KLK10: variants seen among roughly 807,000 people sequenced by gnomAD.
KLK10 encodes kallikrein related peptidase 10, also known as kallikrein-10.
In KLK10, 27 loss-of-function variants were observed where a neutral mutation model predicts 25.7. That is an observed-to-expected ratio of 1.05 (90% confidence interval 0.77 to 1.45). The LOEUF (loss-of-function observed/expected upper bound fraction) is 1.45. Among genes scored for constraint, KLK10 ranks in the 40% most tolerant of loss-of-function variants. The probability of loss-of-function intolerance (pLI) is 0.00; values close to 1 mark genes in which losing one functional copy is unlikely to be tolerated. For missense variants in KLK10, 386 were observed against 370.0 expected (o/e 1.04, Z -0.35); for synonymous variants, 173 against 160.1 (o/e 1.08, Z -0.61).
rs1204224705 is a variant in KLK10, at chr19:51,013,680, C to T, written c.*1120G>A. 1 of 153,784 alleles carries T rather than the reference C, an allele frequency of 6.5e-6. No individual in the cohort carries two copies. 9.5% of individuals were successfully genotyped at this position (153,784 alleles called of 1,614,324 possible). On this transcript the variant is annotated 3_prime_UTR_variant, in exon 6 of 6. Coordinates refer to ENST00000358789, the MANE Select transcript of KLK10 (RefSeq NM_145888.3). ...CCTCAGATGATCTGCTTTCCTCGGC[C>T]TCCCAAAGTGCTAGGATTACAGGCG... is the stretch of plus-strand genomic sequence containing the variant.
In KLK10 at chr19:51,019,116, G is replaced by T; in HGVS notation, c.15C>A (p.His5Gln). The change falls in exon 2 of 6, where the codon CAC becomes CAA. Residue 5 changes from histidine (H) to glutamine (Q), a missense_variant. Coordinates refer to ENST00000358789, the MANE Select transcript of KLK10 (RefSeq NM_145888.3). The surrounding 1 kb of genome is among the most constrained non-coding windows in gnomAD (Gnocchi z 4.2). ...CGCCAGAGGCGGCGGAGAGGTGGAG[G>T]TGCGGAGCTCTCATGGCCAGGATCT... The part of the protein sequence containing the change: MRAP[H>Q]LHLSAASGAR... The T allele has an allele frequency of 1.9e-6, 3 of 1,609,506 alleles. No homozygotes were observed. The highest frequency in any genetic ancestry group is 2.5e-6 in the Non-Finnish European group (3 of 1,179,354).
At position 51,013,369 on chromosome 19, in the gene KLK10, T is replaced by C. The variant is rs1421015121; in HGVS notation, c.*1431A>G. On this transcript the variant is annotated 3_prime_UTR_variant, in exon 6 of 6. Transcript: ENST00000358789. ...TAATGGGAAATTTCTGTTGTGCCTA[T>C]ATTCAGCTAGCTTATGTTACTGCTT... 1 of 152,236 alleles carries C rather than the reference T, an allele frequency of 6.6e-6. No homozygotes were observed. The highest frequency in any genetic ancestry group is 1.5e-5 in the Non-Finnish European group (1 of 68,038). The allele number at this position is 152,236 out of a possible 1,614,324, so 9.4% of individuals were successfully genotyped here. A position where few individuals can be genotyped will look rare whatever the true frequency, so the allele number is the denominator to read the frequency against.
Position 51,019,271 on chromosome 19 carries a change from G to A in KLK10, c.-9-132C>T, listed in dbSNP as rs2091377765. On this transcript the variant is annotated intron_variant, in intron 1 of 5. Transcript: ENST00000358789. This position sits in a 1 kb window ranked among gnomAD's most constrained non-coding sequence, Gnocchi z 4.2. ...TTTTGACCTGCAGCCGATAACCCCA[G>A]GGGCTGGCAGACGGGAGATTCGGGC... The A allele has an allele frequency of 6.8e-6, 4 of 592,052 alleles. No homozygotes were observed. The African/African-American group carries it at 7.7e-5, about 11-fold the overall frequency. 36.7% of individuals were successfully genotyped at this position (592,052 alleles called of 1,614,324 possible). A position where few individuals can be genotyped will look rare whatever the true frequency, so the allele number is the denominator to read the frequency against.
intron 4 of KLK10, 50 bp downstream of exon 4, chr19:51,015,832 C>T: frequency 1.2e-5 from 18 of 1,440,068 alleles, no homozygotes; most frequent in Non-Finnish European, 1.6e-5. Flanking sequence ...GGGGTTCAGG[C>T]CCTCAGCCCC....
At position 51,012,963 on chromosome 19, in the gene KLK10, A is replaced by G. The variant is rs953387657; in HGVS notation, c.*1837T>C. The G allele has an allele frequency of 6.6e-6, 1 of 151,972 alleles. No individual in the cohort carries two copies. Among genetic ancestry groups the G allele is most frequent in the African/African-American group, 2.4e-5 (1 of 41,374 alleles). The allele number at this position is 151,972 out of a possible 1,614,324, so 9.4% of individuals were successfully genotyped here. Reference sequence around the variant, plus strand: ...CTCCTTGAGGGTAGTGCCTGGTCTGATTCATCTTTGAGGCCTGGCATAAGA... The same window carrying G: ...CTCCTTGAGGGTAGTGCCTGGTCTGGTTCATCTTTGAGGCCTGGCATAAGA... On this transcript the variant is annotated 3_prime_UTR_variant, in exon 6 of 6. Transcript: ENST00000358789.
intron 3 of KLK10, among the ~76,000 whole-genome samples, chr19:51,016,825 T>A (rs1459934892): frequency 1.3e-5 from 2 of 151,986 alleles, no homozygotes; most frequent in African/African-American, 4.8e-5. Flanking sequence ...AGTTCTAAAT[T>A]CCTGACCACA....
intron 2 of KLK10, among the ~76,000 whole-genome samples, chr19:51,018,186 AGAAGGAAAGAAAAAGAGAGAGAAAG>A (rs2091358267): frequency 8.2e-6 from 1 of 121,848 alleles, no homozygotes; most frequent in Non-Finnish European, 1.7e-5. Context: ...AAAAAAAAAA[AGAAGGAAAGAAAAAGAGAGAGAAAG>A]AAAAAAACAA....
intron 2 of KLK10, 190 bp downstream of exon 2, chr19:51,018,853 G>A: frequency 5.0e-6 from 3 of 598,148 alleles, no homozygotes; most frequent in South Asian, 2.0e-5. Context: ...CCTGAGTGGG[G>A]CGGGTCACCC....
chr19:51,015,027 G>T, intron 5 of KLK10, 75 bp from the exon 6 acceptor site: 1 of 1,412,882 alleles, frequency 7.1e-7, no homozygotes, highest in Non-Finnish European at 9.8e-7. Context: ...TGGGGCAGTG[G>T]TGGGGAAGGA....
chr19:51,015,268 G>A, intron 5 of KLK10, 149 bp downstream of exon 5: 1 of 846,294 alleles, frequency 1.2e-6, no homozygotes, highest in South Asian at 1.6e-5. Context: ...TGAGGATAGG[G>A]ATGAGGAGGG....
chr19:51,015,298 T>A (rs565297187), intron 5 of KLK10, 119 bp downstream of exon 5: 1 of 1,162,270 alleles, frequency 8.6e-7, no homozygotes, highest in Non-Finnish European at 1.2e-6. Flanking sequence ...TGGGTAAGAG[T>A]TGGGGTCAAG....
Position 51,015,451 on chromosome 19 carries a change from C to T in KLK10, c.644G>A (p.Cys215Tyr), listed in dbSNP as rs1482523692. The change falls in exon 5 of 6, where the codon TGT becomes TAT. Residue 215 changes from cysteine (C) to tyrosine (Y), a missense_variant. Coordinates refer to ENST00000358789, the MANE Select transcript of KLK10 (RefSeq NM_145888.3). ...YPGVVTNNMI[C>Y]AGLDRGQDPC... Reference sequence around the variant, plus strand: ...GTCCTGGCCCCGGTCCAGTCCAGCACATATCATGTTGTTGGTGACCACGCC... The same window carrying T: ...GTCCTGGCCCCGGTCCAGTCCAGCATATATCATGTTGTTGGTGACCACGCC... The T allele has an allele frequency of 6.2e-7, 1 of 1,613,838 alleles. No individual in the cohort carries two copies. The highest frequency in any genetic ancestry group is 8.5e-7 in the Non-Finnish European group (1 of 1,179,886).
At position 51,014,838 on chromosome 19, in the gene KLK10, A is replaced by G; in HGVS notation, c.793T>C (p.Tyr265His). The change falls in exon 6 of 6, where the codon TAC becomes CAC. Residue 265 changes from tyrosine (Y) to histidine (H), a missense_variant. By Grantham distance (83) the Tyr-to-His change is moderately conservative. Coordinates refer to ENST00000358789, the MANE Select transcript of KLK10 (RefSeq NM_145888.3). ...ATGACTTTATTGATCCAGGACATGT[A>G]TTTGCAGATCTGGGTGTAGACAGCT... ...HPAVYTQICK[Y>H]MSWINKVIRS... is the part of the protein sequence containing the mutation. 2 of 1,614,044 alleles carry G rather than the reference A, an allele frequency of 1.2e-6. No homozygotes were observed. Among genetic ancestry groups the G allele is most frequent in the Non-Finnish European group, 1.7e-6 (2 of 1,179,958 alleles).
chr19:51,017,278 G>A lies in KLK10; in HGVS notation c.101C>T (p.Ala34Val), dbSNP rs764233392. The change falls in exon 3 of 6, where the codon GCG becomes GTG. Residue 34 changes from alanine to valine, a missense_variant. Transcript: ENST00000358789. The stretch of plus-strand genomic sequence containing the variant: ...GCGCGTGTCGTTTTGGGGGAGCAGC[G>A]CCGCCTCTGCGGCTGGAGAAAGAAA... Reference protein sequence around the residue: ...LMAQLWAAEAALLPQNDTRLD... With the variant: ...LMAQLWAAEAVLLPQNDTRLD... 4 of 1,604,160 alleles carry A rather than the reference G, an allele frequency of 2.5e-6. No individual in the cohort carries two copies. Among genetic ancestry groups the A allele is most frequent in the Admixed American group, 1.7e-5 (1 of 58,362 alleles).
chr19:51,018,939 T>C (rs1214556129), intron 2 of KLK10, 104 bp downstream of exon 2: 27 of 863,218 alleles, frequency 3.1e-5, no homozygotes, highest in Non-Finnish European at 4.0e-5. Context: ...GGTGCTGGGG[T>C]CTCGGGGGAG....
At position 51,016,001 on chromosome 19, in the gene KLK10, T is replaced by C; in HGVS notation, c.425A>G (p.Lys142Arg). 1 of 1,569,940 alleles carries C rather than the reference T, an allele frequency of 6.4e-7. No homozygotes were observed. The highest frequency in any genetic ancestry group is 8.6e-7 in the Non-Finnish European group (1 of 1,157,496). Residue 142 changes from lysine (K) to arginine (R), a missense_variant, in exon 4 of 6, where the codon AAG (lysine) becomes AGG (arginine). By Grantham distance (26) the Lys-to-Arg change is conservative. Coordinates refer to ENST00000358789, the MANE Select transcript of KLK10 (RefSeq NM_145888.3). ...CCCCAGCACTACGGGCCTGGCCAGC[T>C]TCAGCAACATGAGATCGTGCTCATC... ...RTDEHDLMLL[K>R]LARPVVLGPR... is the part of the protein sequence containing the mutation.
At chr19:51,016,970 G>T in intron 3 of KLK10, 140 bp downstream of exon 3, 1 of 876,762 alleles carries the variant, frequency 1.1e-6, no homozygotes, top group Non-Finnish European at 1.7e-6. Context: ...GCGCAAGCCC[G>T]GTCTCTCCTC....
At chr19:51,016,190 C>T (rs745503807) in intron 3 of KLK10, 34 bp from the exon 4 acceptor site, 27 of 1,524,094 alleles carry the variant, frequency 1.8e-5, no homozygotes, top group Non-Finnish European at 2.2e-5. Context: ...AAGGCAAACC[C>T]TTCATAGGGA....
chr19:51,016,684 C>A (rs1051668947), intron 3 of KLK10, among the ~76,000 whole-genome samples: 4 of 151,308 alleles, frequency 2.6e-5, no homozygotes, highest in African/African-American at 9.8e-5. Flanking sequence ...GTGATCCACC[C>A]GCCTTGGCCT....
Sources: allele counts gnomAD v4.1 joint callset (sites outside exome capture counted in the v4.1 genomes callset), GRCh38; gene constraint gnomAD v4.1.1; non-coding constraint Gnocchi (gnomAD v3.1); transcripts MANE v1.5; gene names NCBI Gene and HGNC (gene_info 2026-07-23, HGNC 2026-07-21).